LAMB4: variants seen among roughly 807,000 people sequenced by gnomAD.
LAMB4 encodes laminin subunit beta-4.
Under a neutral mutation model 199.2 loss-of-function variants are expected in LAMB4, and 196 were observed. The observed-to-expected ratio is 0.98, with a 90% CI of 0.88 to 1.11. The LOEUF (loss-of-function observed/expected upper bound fraction) is 1.11. LAMB4 is among the 50% of genes least tolerant of loss of function. The pLI is 0.00. For synonymous variants in LAMB4, 744 were observed against 770.6 expected (o/e 0.97, Z 0.57); for missense variants, 2,080 against 2,171.2 (o/e 0.96, Z 0.83).
At chr7:108,051,995 C>CA in intron 26 of LAMB4, 102 bp downstream of exon 26, 1 of 851,532 alleles carries the variant, frequency 1.2e-6, no homozygotes, top group Non-Finnish European at 1.8e-6. Context: ...CTAAAGTGCT[C>CA]AGGCACTATG....
intron 7 of LAMB4, 145 bp from the exon 8 acceptor site, chr7:108,106,176 G>T: frequency 1.5e-6 from 1 of 689,448 alleles, no homozygotes; most frequent in Non-Finnish European, 2.5e-6. Flanking sequence ...CCAGCACTTT[G>T]GGTGGCCGAG....
At position 108,047,994 on chromosome 7, in the gene LAMB4, G is replaced by A. The variant is rs138946711; in HGVS notation, c.4240C>T (p.Leu1414Phe). 6.2e-7 allele frequency: 1 copy of A among 1,614,124 alleles called. No individual in the cohort carries two copies. The highest frequency in any genetic ancestry group is 8.5e-7 in the Non-Finnish European group (1 of 1,179,996). The change falls in exon 28 of 34, where the codon CTC becomes TTC. Residue 1414 changes from leucine to phenylalanine, a missense_variant. Leu to Phe is a conservative substitution (Grantham distance 22). Coordinates refer to ENST00000388781, the MANE Select transcript of LAMB4 (RefSeq NM_007356.3). ...GCTTTTTGGAGGGCATTCGTTGAGA[G>A]GGTCAGGGAGCCGTGACAGCCGGGA... ...RGPGCHGSLTLSTNALQKAQE... is the reference protein window; with the variant it reads ...RGPGCHGSLTFSTNALQKAQE...
Position 108,025,389 on chromosome 7 carries a change from T to TTTCTTTCTTTCTTTCTTTC in LAMB4, c.5147-1212_5147-1211insGAAAGAAAGAAAGAAAGAA, listed in dbSNP as rs1554420520. On this transcript the variant is annotated intron_variant, in intron 33 of 33. Transcript: ENST00000388781. ...TTCTTTCTTTCTTTCTTTTCTTTTC[T>TTTCTTTCTTTCTTTCTTTC]TTTCTTTCTTTCTTTCTTTCTTTCT... 9.9e-5 allele frequency among the ~76,000 whole-genome samples: 9 copies of TTTCTTTCTTTCTTTCTTTC among 91,186 alleles called. 1 individual carries two copies. The highest frequency in any genetic ancestry group is 6.5e-4 in the African/African-American group (8 of 12,348). 59.8% of individuals were successfully genotyped at this position (91,186 alleles called of 152,430 possible).
chr7:108,043,261 A>G (rs919419696), intron 29 of LAMB4, among the ~76,000 whole-genome samples: 1 of 152,148 alleles, frequency 6.6e-6, no homozygotes, highest in African/African-American at 2.4e-5. Context: ...TCAGCAAAGA[A>G]AATTACTGAA....
chr7:108,079,618 T>C lies in LAMB4; in HGVS notation c.1870A>G (p.Ile624Val), dbSNP rs779663974. 26 of 1,607,960 alleles carry C rather than the reference T, an allele frequency of 1.6e-5. No individual in the cohort carries two copies. The highest frequency in any genetic ancestry group is 2.2e-5 in the Non-Finnish European group (26 of 1,178,008). ...IPFPVDFTIA[I>V]HYETQSAADW... ...AAGGATACCTGGGTTTCATAGTGAA[T>C]GGCAATGGTGAAGTCCACAGGAAAG... Residue 624 changes from isoleucine to valine, a missense_variant, in exon 15 of 34, where the codon ATT (isoleucine) becomes GTT (valine). By Grantham distance (29) the Ile-to-Val change is conservative. Transcript: ENST00000388781.
intron 10 of LAMB4, 76 bp downstream of exon 10, chr7:108,102,968 T>C: frequency 7.7e-7 from 1 of 1,304,652 alleles, no homozygotes; most frequent in Non-Finnish European, 1.0e-6. Context: ...GCAGATAAGG[T>C]GCGGGCAGCC....
chr7:108,046,785 C>T (rs115943007), intron 28 of LAMB4, among the ~76,000 whole-genome samples: 1 of 151,966 alleles, frequency 6.6e-6, no homozygotes, highest in Admixed American at 6.6e-5. Context: ...ACATTAAATT[C>T]TAACATTACA....
chr7:108,068,257 C>G, intron 18 of LAMB4, 98 bp from the exon 19 acceptor site: 2 of 1,204,724 alleles, frequency 1.7e-6, no homozygotes, highest in Non-Finnish European at 2.4e-6. Context: ...TCATTTAAGA[C>G]CTCTTTAATA....
chr7:108,098,859 T>A (rs1192818249), intron 10 of LAMB4, among the ~76,000 whole-genome samples: 1 of 152,180 alleles, frequency 6.6e-6, no homozygotes, highest in African/African-American at 2.4e-5. Context: ...AAATTAAGAC[T>A]AGATTATGTT....
chr7:108,044,118 G>C (rs2035535449), intron 28 of LAMB4: 1 of 409,440 alleles, frequency 2.4e-6, no homozygotes, highest in South Asian at 4.2e-5. Context: ...TTATCTTTTA[G>C]AACATTACTG....
At chr7:108,051,047 C>T (rs993655139) in intron 26 of LAMB4, among the ~76,000 whole-genome samples, 1 of 152,186 alleles carries the variant, frequency 6.6e-6, no homozygotes, top group African/African-American at 2.4e-5. Flanking sequence ...AGCCCAGTAA[C>T]TGCTGTTGGA....
the LAMB4 span, among the ~76,000 whole-genome samples, chr7:108,012,860 T>C: frequency 9.2e-5 from 14 of 152,316 alleles, no homozygotes; most frequent in Non-Finnish European, 1.6e-4. Context: ...TACAGCTCCT[T>C]CTATCTGGAA....
rs758849207 is a variant in LAMB4 at position 108,107,734 on chromosome 7, C to A, written c.488G>T (p.Cys163Phe). The change falls in exon 6 of 34, where the codon TGT (cysteine) becomes TTT (phenylalanine). Residue 163 changes from cysteine to phenylalanine, a missense_variant. Coordinates refer to ENST00000388781, the MANE Select transcript of LAMB4 (RefSeq NM_007356.3). ...TGTGATGTTAGGAAAGGAAGTGGCA[C>A]AGTCTTTTGCAAAATATTTGAACAC... ...WKVFKYFAKD[C>F]ATSFPNITSG... The A allele has an allele frequency of 6.8e-6, 11 of 1,613,720 alleles. No homozygotes were observed. In the African/African-American group the frequency reaches 1.5e-4, roughly 22 times the overall value.
rs146161342 is a variant in LAMB4 at position 108,030,915 on chromosome 7, T to C, written c.4883A>G (p.Glu1628Gly). Residue 1628 changes from glutamate to glycine, a missense_variant, in exon 32 of 34, where the codon GAG becomes GGG. Physicochemically the swap from Glu to Gly is moderately conservative, Grantham distance 98. Transcript: ENST00000388781. ...GGTCTGCAGCAGGGAAAGTCCATCCTCCAGCCCTGATCGCTGCTTTGCTAA... is the reference window on the plus strand; with the variant it reads ...GGTCTGCAGCAGGGAAAGTCCATCCCCCAGCCCTGATCGCTGCTTTGCTAA... ...LELAKQRSGL[E>G]DGLSLLQTKL... 1,667 of 1,614,062 alleles carry C rather than the reference T, an allele frequency of 1.0e-3. 2 individuals carry two copies. Among genetic ancestry groups the C allele is most frequent in the Non-Finnish European group, 1.3e-3 (1,568 of 1,179,960 alleles).
rs1321266029 is a variant in LAMB4 at position 108,067,981 on chromosome 7, A to G, written c.2446+35T>C. On this transcript the variant is annotated intron_variant, in intron 19 of 33. Transcript: ENST00000388781. Reference sequence around the variant, plus strand: ...CTGCTGTCAAAATGTCAAGACTGTGAGCAAGTGTTTCCCCTTGTGTGTTTT... The same window carrying G: ...CTGCTGTCAAAATGTCAAGACTGTGGGCAAGTGTTTCCCCTTGTGTGTTTT... 3.1e-6 allele frequency: 5 copies of G among 1,613,710 alleles called. No individual in the cohort carries two copies. The African/African-American group carries it at 6.7e-5, about 22-fold the overall frequency.
intron 29 of LAMB4, 150 bp from the exon 30 acceptor site, chr7:108,037,745 A>T (rs781296061): frequency 8.0e-6 from 5 of 627,522 alleles, no homozygotes; most frequent in Non-Finnish European, 1.4e-5. Context: ...CTTCCTATAG[A>T]TTCTTCTTCA....
Position 108,107,743 on chromosome 7 carries a change from G to C in LAMB4, c.479C>G (p.Ala160Gly). 6.2e-7 allele frequency: 1 copy of C among 1,613,880 alleles called. No homozygotes were observed. The highest frequency in any genetic ancestry group is 8.5e-7 in the Non-Finnish European group (1 of 1,179,912). ...AGGAAAGGAAGTGGCACAGTCTTTT[G>C]CAAAATATTTGAACACTTTCCAGTT... ...GHNWKVFKYF[A>G]KDCATSFPNI... is the part of the protein sequence containing the mutation. The change falls in exon 6 of 34, where the codon GCA becomes GGA. Residue 160 changes from alanine to glycine, a missense_variant. By Grantham distance (60) the Ala-to-Gly change is moderately conservative (BLOSUM62 0). Coordinates refer to ENST00000388781, the MANE Select transcript of LAMB4 (RefSeq NM_007356.3).
intron 23 of LAMB4, 84 bp from the exon 24 acceptor site, chr7:108,058,012 C>T: frequency 2.2e-6 from 2 of 918,906 alleles, no homozygotes; most frequent in South Asian, 2.8e-5. Flanking sequence ...TTTTCCCCTC[C>T]AGTGAATTAG....
At chr7:108,100,113 A>G (rs1180243121) in intron 10 of LAMB4, among the ~76,000 whole-genome samples, 1 of 152,256 alleles carries the variant, frequency 6.6e-6, no homozygotes, top group East Asian at 1.9e-4. Flanking sequence ...GCACAGAAGT[A>G]TCCTTTGGGA....
Sources: gnomAD v4.1 joint callset for allele counts (sites outside exome capture counted in the v4.1 genomes callset) on GRCh38, gnomAD v4.1.1 for gene constraint, MANE v1.5 for transcripts, NCBI Gene and HGNC (gene_info 2026-07-23, HGNC 2026-07-21) for gene names.